FSTL4: variants seen among roughly 807,000 people sequenced by gnomAD.
The protein encoded by FSTL4 is follistatin like 4.
In FSTL4, 28 loss-of-function variants were observed where a neutral mutation model predicts 78.2. The observed-to-expected ratio is 0.36, with a 90% CI of 0.27 to 0.49. The LOEUF is 0.49. Among genes scored for constraint, FSTL4 ranks in the 20% least tolerant of loss-of-function variants. The probability of loss-of-function intolerance (pLI) is 0.98; values close to 1 mark genes in which losing one functional copy is unlikely to be tolerated. For synonymous variants in FSTL4, 422 were observed against 440.5 expected (o/e 0.96, Z 0.53); for missense variants, 922 against 1,084.9 (o/e 0.85, Z 2.11).
At chr5:133,731,630 G>A in the FSTL4 span, among the ~76,000 whole-genome samples, 1 of 152,142 alleles carries the variant, frequency 6.6e-6, no homozygotes, top group Non-Finnish European at 1.5e-5. Flanking sequence ...AAGGGAGTCA[G>A]AGGGTCACAG....
At chr5:133,508,857 C>T (rs1758667220) in intron 3 of FSTL4, among the ~76,000 whole-genome samples, 1 of 152,190 alleles carries the variant, frequency 6.6e-6, no homozygotes, top group South Asian at 2.1e-4. Context: ...ATTTTACATG[C>T]TCCTTAGAGT....
the FSTL4 span, among the ~76,000 whole-genome samples, chr5:133,787,554 C>T: frequency 6.6e-6 from 1 of 152,044 alleles, no homozygotes; most frequent in Non-Finnish European, 1.5e-5. Flanking sequence ...GGAAGGGAGG[C>T]CACCCTCCCC....
chr5:133,549,672 T>C (rs1333896672), intron 3 of FSTL4, among the ~76,000 whole-genome samples: 1 of 152,204 alleles, frequency 6.6e-6, no homozygotes, highest in African/African-American at 2.4e-5. Flanking sequence ...AGAGTTCTTT[T>C]ACATAGGATT....
the FSTL4 span, among the ~76,000 whole-genome samples, chr5:133,653,043 C>A: frequency 6.6e-6 from 1 of 152,108 alleles, no homozygotes; most frequent in Non-Finnish European, 1.5e-5. Context: ...GAGTGTCAGC[C>A]AAACGCTGCA....
At chr5:133,540,720 CA>C (rs79162509) in intron 3 of FSTL4, among the ~76,000 whole-genome samples, 16,441 of 70,226 alleles carry the variant, frequency 0.23, 770 homozygotes, top group South Asian at 0.29. Context: ...TTAACATAGG[CA>C]AAAAAAAAAA....
At chr5:133,617,238 G>A (rs111914149), upstream of FSTL4, among the ~76,000 whole-genome samples, 32,759 of 146,120 alleles carry the variant, frequency 0.22, 4,053 homozygotes, top group Admixed American at 0.33. Flanking sequence ...GGCAGAGGTT[G>A]CAGTGAGCCG....
Position 133,225,152 on chromosome 5 carries a change from G to C in FSTL4, c.1310C>G (p.Thr437Ser), listed in dbSNP as rs372340018. The C allele has an allele frequency of 1.3e-4, 212 of 1,614,072 alleles. No individual in the cohort carries two copies. Among genetic ancestry groups the C allele is most frequent in the Non-Finnish European group, 1.8e-4 (208 of 1,180,038 alleles). ...AGCATAAACGCGTGTCGACTTACGG[G>C]TCTTTCTAGCTGAGTCTTCAATGAA... Reference protein sequence around the residue: ...SLFIEDSARKTLANILWREEG... With the variant: ...SLFIEDSARKSLANILWREEG... The change falls in exon 10 of 16, where the codon ACC becomes AGC. Residue 437 changes from threonine to serine, a missense_variant and splice_region_variant. By Grantham distance (58) the Thr-to-Ser change is moderately conservative (BLOSUM62 1). Transcript: ENST00000265342. The surrounding 1 kb of genome is among the most constrained non-coding windows in gnomAD (Gnocchi z 4.6).
intron 6 of FSTL4, among the ~76,000 whole-genome samples, chr5:133,286,558 A>C (rs1023266872): frequency 3.3e-5 from 5 of 152,270 alleles, no homozygotes; most frequent in Non-Finnish European, 5.9e-5. Context: ...AGGCTTAAAA[A>C]GTCAACTCAT....
intron 3 of FSTL4, among the ~76,000 whole-genome samples, chr5:133,417,958 TAAAAAAAAA>T (rs527415337): frequency 3.8e-3 from 196 of 51,148 alleles, no homozygotes; most frequent in African/African-American, 0.019. Context: ...GACTCCATCT[TAAAAAAAAA>T]AAAAAAAAAA....
the FSTL4 span, among the ~76,000 whole-genome samples, chr5:133,687,230 A>T: frequency 2.0e-5 from 3 of 152,072 alleles, no homozygotes; most frequent in Non-Finnish European, 4.4e-5. Context: ...CATGGGTTGT[A>T]TGGTAGGATC....
intron 6 of FSTL4, among the ~76,000 whole-genome samples, chr5:133,298,417 C>T (rs1753458027): frequency 6.6e-6 from 1 of 152,242 alleles, no homozygotes; most frequent in African/African-American, 2.4e-5. Flanking sequence ...GGGCCCTGGA[C>T]TAGTTTCTTA....
chr5:133,525,609 G>A (rs545144470), intron 3 of FSTL4, among the ~76,000 whole-genome samples: 4 of 152,298 alleles, frequency 2.6e-5, no homozygotes, highest in African/African-American at 2.4e-5. Flanking sequence ...CAATGATGCC[G>A]GCCTCACTAA....
chr5:133,712,241 C>T, the FSTL4 span, among the ~76,000 whole-genome samples: 1 of 152,172 alleles, frequency 6.6e-6, no homozygotes, highest in Non-Finnish European at 1.5e-5. Context: ...GGCACAACTC[C>T]AGACAGGCTC....
chr5:133,609,159 A>G (rs1342686130), intron 1 of FSTL4, among the ~76,000 whole-genome samples: 2 of 152,194 alleles, frequency 1.3e-5, no homozygotes, highest in African/African-American at 4.8e-5. Flanking sequence ...AGGACCAGAA[A>G]TTACAAAGAT....
chr5:133,261,695 A>C (rs1752526146), intron 6 of FSTL4, among the ~76,000 whole-genome samples: 1 of 152,066 alleles, frequency 6.6e-6, no homozygotes. Flanking sequence ...GTCTCTACTA[A>C]AAATACAAAA....
chr5:133,697,135 T>G, the FSTL4 span, among the ~76,000 whole-genome samples: 33 of 152,226 alleles, frequency 2.2e-4, no homozygotes, highest in African/African-American at 7.2e-4. Context: ...TGCCAGTGAC[T>G]AGCAGGGATA....
At chr5:133,658,154 A>T in the FSTL4 span, among the ~76,000 whole-genome samples, 3 of 152,180 alleles carry the variant, frequency 2.0e-5, no homozygotes, top group Non-Finnish European at 4.4e-5. Context: ...GTTTTAAAAG[A>T]TAAACTGTTA....
chr5:133,600,244 C>T lies in FSTL4; in HGVS notation c.126+3614G>A, dbSNP rs142682570. 1.0e-3 allele frequency among the ~76,000 whole-genome samples: 155 copies of T among 152,156 alleles called. 1 individual carries two copies. Among genetic ancestry groups the T allele is most frequent in the African/African-American group, 2.3e-3 (94 of 41,494 alleles). On this transcript the variant is annotated intron_variant, in intron 2 of 15. Coordinates refer to ENST00000265342, the MANE Select transcript of FSTL4 (RefSeq NM_015082.2). ...ATAGGCTTTGTGTTAGATGATTTTG[C>T]CCTAAGTGTAGGCTAATGTCAGTGT...
chr5:133,747,433 A>G, the FSTL4 span, among the ~76,000 whole-genome samples: 2 of 152,186 alleles, frequency 1.3e-5, no homozygotes, highest in African/African-American at 4.8e-5. Context: ...TCCTGATGGC[A>G]AATCCCATAA....
Sources: allele counts gnomAD v4.1 joint callset (sites outside exome capture counted in the v4.1 genomes callset), GRCh38; gene constraint gnomAD v4.1.1; non-coding constraint Gnocchi (gnomAD v3.1); transcripts MANE v1.5; gene names NCBI Gene and HGNC (gene_info 2026-07-23, HGNC 2026-07-21).